The following LYZL4 variants were observed in gnomAD, a reference collection of about 807,000 sequenced individuals.
The protein encoded by LYZL4 is lysozyme-like protein 4.
In LYZL4, 13 loss-of-function variants were observed where a neutral mutation model predicts 17.6. That is an observed-to-expected ratio of 0.74 (90% confidence interval 0.48 to 1.18). The LOEUF is 1.18. Ranked by LOEUF, LYZL4 falls within the 50% of genes most tolerant of loss-of-function variation. The pLI, the probability that LYZL4 is intolerant of heterozygous loss-of-function variation, is 0.00. For missense variants in LYZL4, 174 were observed against 188.2 expected (o/e 0.92, Z 0.44); for synonymous variants, 64 against 67.7 (o/e 0.95, Z 0.27).
chr3:42,385,379 G>A, the LYZL4 span, among the ~76,000 whole-genome samples: 1 of 152,130 alleles, frequency 6.6e-6, no homozygotes, highest in Non-Finnish European at 1.5e-5. Flanking sequence ...TGTTGCAATT[G>A]CCTACAGTAT....
the LYZL4 span, among the ~76,000 whole-genome samples, chr3:42,374,673 C>A: frequency 6.6e-6 from 1 of 152,206 alleles, no homozygotes; most frequent in Non-Finnish European, 1.5e-5. Context: ...TCAGTCCCCA[C>A]CTGTCCCTGC....
At chr3:42,398,301 C>T (rs972903428) in intron 4 of LYZL4, among the ~76,000 whole-genome samples, 1 of 152,176 alleles carries the variant, frequency 6.6e-6, no homozygotes, top group Non-Finnish European at 1.5e-5. Flanking sequence ...TAATTAGCTT[C>T]CTTCACTGGG....
the LYZL4 span, among the ~76,000 whole-genome samples, chr3:42,361,598 T>C: frequency 6.6e-6 from 1 of 152,010 alleles, no homozygotes; most frequent in East Asian, 1.9e-4. Flanking sequence ...GGTGTGGTGG[T>C]GCACACCTGT....
the LYZL4 span, among the ~76,000 whole-genome samples, chr3:42,388,659 G>T: frequency 6.6e-6 from 1 of 152,320 alleles, no homozygotes; most frequent in South Asian, 2.1e-4. Context: ...TTGAACATTT[G>T]CTGAACAAGC....
At chr3:42,362,522 T>TG in the LYZL4 span, among the ~76,000 whole-genome samples, 2 of 152,216 alleles carry the variant, frequency 1.3e-5, no homozygotes, top group Non-Finnish European at 2.9e-5. Context: ...CTAGCTGATT[T>TG]GGGGTCTCAT....
the LYZL4 span, among the ~76,000 whole-genome samples, chr3:42,380,956 T>C: frequency 6.6e-6 from 1 of 152,228 alleles, no homozygotes; most frequent in African/African-American, 2.4e-5. Context: ...GCATAAAATA[T>C]AGTTGTGTGG....
At chr3:42,384,494 A>T in the LYZL4 span, among the ~76,000 whole-genome samples, 1 of 152,170 alleles carries the variant, frequency 6.6e-6, no homozygotes, top group African/African-American at 2.4e-5. Flanking sequence ...CATGAGGAGG[A>T]GGTTTCTTCG....
chr3:42,402,315 C>CTTTTT (rs201251667), intron 4 of LYZL4, among the ~76,000 whole-genome samples: 12 of 136,968 alleles, frequency 8.8e-5, no homozygotes, highest in East Asian at 4.2e-4. Context: ...CTTTTCTTTT[C>CTTTTT]TTTCTTTTTT....
chr3:42,369,076 T>C, the LYZL4 span, among the ~76,000 whole-genome samples: 1 of 152,222 alleles, frequency 6.6e-6, no homozygotes, highest in East Asian at 1.9e-4. Flanking sequence ...TGCAGTTCTC[T>C]GCAGATTTAA....
chr3:42,395,527 T>C (rs886323473), downstream of LYZL4, among the ~76,000 whole-genome samples: 2 of 152,170 alleles, frequency 1.3e-5, no homozygotes, highest in Admixed American at 6.5e-5. Context: ...AGGGAAGATA[T>C]ACACACGAAA....
rs781331617 is a variant in LYZL4 at position 42,404,000 on chromosome 3, T to C, written c.371+46A>G. The C allele has an allele frequency of 3.8e-6, 5 of 1,318,890 alleles. No individual in the cohort carries two copies. In the East Asian group the frequency reaches 9.4e-5, roughly 25 times the overall value. The allele number at this position is 1,318,890 out of a possible 1,614,324, so 81.7% of individuals were successfully genotyped here. Reference sequence around the variant, plus strand: ...TAGCCAAGATTCAGATTAGAGATCATGAGTGAAAGTCGTTAATACAGGCTA... The same window carrying C: ...TAGCCAAGATTCAGATTAGAGATCACGAGTGAAAGTCGTTAATACAGGCTA... On this transcript the variant is annotated intron_variant, in intron 4 of 4. Transcript: ENST00000287748.
chr3:42,382,831 G>A, the LYZL4 span, among the ~76,000 whole-genome samples: 1 of 152,016 alleles, frequency 6.6e-6, no homozygotes, highest in Non-Finnish European at 1.5e-5. Context: ...TGGGAAAGCA[G>A]AGCATGCATA....
At chr3:42,377,386 A>T in the LYZL4 span, among the ~76,000 whole-genome samples, 2 of 152,140 alleles carry the variant, frequency 1.3e-5, no homozygotes, top group Non-Finnish European at 2.9e-5. Flanking sequence ...CTTGAAAATC[A>T]ACTATCCCCC....
chr3:42,401,919 C>T (rs1378573944), intron 4 of LYZL4, among the ~76,000 whole-genome samples: 1 of 151,952 alleles, frequency 6.6e-6, no homozygotes, highest in African/African-American at 2.4e-5. Flanking sequence ...CACTGGAGAT[C>T]CTAGCCAATG....
At chr3:42,401,702 C>CA (rs1559454721) in intron 4 of LYZL4, among the ~76,000 whole-genome samples, 1 of 150,956 alleles carries the variant, frequency 6.6e-6, no homozygotes, top group Non-Finnish European at 1.5e-5. Flanking sequence ...CACAGAATTG[C>CA]AAAAAAATAA....
At chr3:42,396,912 T>C (rs1698557958), downstream of LYZL4, among the ~76,000 whole-genome samples, 2 of 152,248 alleles carry the variant, frequency 1.3e-5, no homozygotes, top group African/African-American at 4.8e-5. Context: ...CCACTGTACC[T>C]GTTCTTCCTT....
chr3:42,393,025 A>G (rs183306294), downstream of LYZL4, among the ~76,000 whole-genome samples: 1,648 of 152,152 alleles, frequency 0.011, 22 homozygotes, highest in Admixed American at 0.018. Context: ...GTGGAAAAAT[A>G]GTGAGCCAAA....
downstream of LYZL4, among the ~76,000 whole-genome samples, chr3:42,396,720 T>C (rs1698554689): frequency 6.6e-6 from 1 of 152,266 alleles, no homozygotes. Context: ...TGCAAATATG[T>C]GTTATTTATA....
At chr3:42,401,527 A>C (rs2125600933) in intron 4 of LYZL4, among the ~76,000 whole-genome samples, 1 of 152,256 alleles carries the variant, frequency 6.6e-6, no homozygotes, top group East Asian at 1.9e-4. Context: ...CATCATAATA[A>C]AATTTATTAT....
Sources: gnomAD v4.1 joint callset for allele counts (sites outside exome capture counted in the v4.1 genomes callset) on GRCh38, gnomAD v4.1.1 for gene constraint, MANE v1.5 for transcripts, NCBI Gene and HGNC (gene_info 2026-07-23, HGNC 2026-07-21) for gene names.